SH2D6: variants seen among roughly 807,000 people sequenced by gnomAD.
SH2D6 encodes the protein SH2 domain-containing protein 6.
SH2D6 carries 31 observed loss-of-function variants against 30.2 expected under a neutral mutation model. That is an observed-to-expected ratio of 1.03 (90% CI 0.77 to 1.38). The LOEUF is 1.38. Ranked by LOEUF, SH2D6 falls within the 40% of genes most tolerant of loss-of-function variation. SH2D6 has a pLI of 0.00. For missense variants in SH2D6, 240 were observed against 266.8 expected (o/e 0.90, Z 0.70); for synonymous variants, 93 against 104.6 (o/e 0.89, Z 0.68).
chr2:85,434,262 G>C (rs914198072), intron 17 of SH2D6, 78 bp from the exon 18 acceptor site: 1 of 1,514,658 alleles, frequency 6.6e-7, no homozygotes, highest in African/African-American at 1.4e-5. Flanking sequence ...GGGGCAGCTT[G>C]GAATGCTGGG....
intron 14 of SH2D6, among the ~76,000 whole-genome samples, chr2:85,432,394 GT>G (rs56206540): frequency 0.33 from 50,180 of 149,866 alleles, 9,326 homozygotes; most frequent in Non-Finnish European, 0.43. Flanking sequence ...TATTTTTTTT[GT>G]TTTGTTTTGT....
Position 85,434,106 on chromosome 2 carries a change from G to A in SH2D6, c.528G>A (p.Val176=). Residue 176 remains valine, a synonymous_variant, in exon 17 of 24, where the codon GTG becomes GTA. Transcript: ENST00000469800. ...PSGPLPRTSV[V]PRPTTAPQET... is the part of the protein sequence containing the mutation. ...GCCCTCTGCCCAGGACATCAGTGGT[G>A]CCCAGGTAAGTGCCCCACCAGGTGT... 1 of 1,550,536 alleles carries A rather than the reference G, an allele frequency of 6.4e-7. No individual in the cohort carries two copies. The highest frequency in any genetic ancestry group is 8.7e-7 in the Non-Finnish European group (1 of 1,146,968).
intron 12 of SH2D6, among the ~76,000 whole-genome samples, chr2:85,431,006 C>CT (rs1688555209): frequency 6.6e-6 from 1 of 152,160 alleles, no homozygotes; most frequent in South Asian, 2.1e-4. Flanking sequence ...GCATCCCACC[C>CT]CCACTGCTCA....
intron 9 of SH2D6, 129 bp from the exon 10 acceptor site, chr2:85,429,852 T>C: frequency 6.5e-6 from 1 of 153,196 alleles, no homozygotes; most frequent in Non-Finnish European, 1.5e-5. Flanking sequence ...CCAGCCTCCT[T>C]CTCTGCTGCC....
At chr2:85,431,013 C>G (rs929363067) in intron 12 of SH2D6, among the ~76,000 whole-genome samples, 197 bp from the exon 13 acceptor site, 1 of 152,152 alleles carries the variant, frequency 6.6e-6, no homozygotes, top group Admixed American at 6.5e-5. Context: ...ACCCCCACTG[C>G]TCAGCTCCTC....
At chr2:85,420,609 G>A (rs1475545799) in intron 2 of SH2D6, among the ~76,000 whole-genome samples, 2 of 152,268 alleles carry the variant, frequency 1.3e-5, no homozygotes, top group East Asian at 3.8e-4. Flanking sequence ...AAGTCACAGA[G>A]CAGTGTTGTT....
At chr2:85,423,827 C>T (rs1162264990) in intron 5 of SH2D6, among the ~76,000 whole-genome samples, 1 of 152,252 alleles carries the variant, frequency 6.6e-6, no homozygotes, top group South Asian at 2.1e-4. Context: ...CAGCCCCTTC[C>T]CTCCCTACTG....
intron 9 of SH2D6, 174 bp from the exon 10 acceptor site, chr2:85,429,807 A>G (rs540039821): frequency 6.5e-6 from 1 of 153,032 alleles, no homozygotes; most frequent in East Asian, 1.9e-4. Context: ...GCACCAGCTC[A>G]TGCAGTTATG....
At chr2:85,422,711 C>G (rs898027932) in intron 5 of SH2D6, 21 bp downstream of exon 5, 3 of 152,570 alleles carry the variant, frequency 2.0e-5, no homozygotes, top group African/African-American at 4.8e-5. Context: ...CAGAGGCACA[C>G]CACCTGGGTG....
intron 2 of SH2D6, among the ~76,000 whole-genome samples, chr2:85,420,548 G>GC (rs1009750187): frequency 3.9e-5 from 6 of 152,230 alleles, no homozygotes; most frequent in African/African-American, 1.4e-4. Flanking sequence ...GCTGTTGAAT[G>GC]CCCATTCCTG....
intron 22 of SH2D6, among the ~76,000 whole-genome samples, 160 bp from the exon 23 acceptor site, chr2:85,436,306 C>T (rs540094126): frequency 3.3e-5 from 5 of 152,258 alleles, no homozygotes; most frequent in African/African-American, 9.6e-5. Flanking sequence ...AGGCCTGGAA[C>T]GGGGCAGCAA....
chr2:85,425,192 C>T (rs1375880447), intron 5 of SH2D6, 116 bp from the exon 6 acceptor site: 1 of 151,924 alleles, frequency 6.6e-6, no homozygotes, highest in Non-Finnish European at 1.5e-5. Context: ...AGTTTCTTGG[C>T]ATCCATTTGG....
At chr2:85,427,680 A>G (rs1041337952) in intron 6 of SH2D6, among the ~76,000 whole-genome samples, 3 of 152,246 alleles carry the variant, frequency 2.0e-5, no homozygotes, top group African/African-American at 7.2e-5. Context: ...CGCCTGCCTT[A>G]TGGTTCAAAT....
intron 6 of SH2D6, among the ~76,000 whole-genome samples, chr2:85,426,653 ACTATTT>A (rs1688075670): frequency 6.6e-6 from 1 of 152,258 alleles, no homozygotes; most frequent in South Asian, 2.1e-4. Flanking sequence ...ACCCTTTCCC[ACTATTT>A]CTGCCCTACA....
intron 5 of SH2D6, among the ~76,000 whole-genome samples, chr2:85,424,622 T>C (rs965030911): frequency 2.6e-5 from 4 of 152,054 alleles, no homozygotes; most frequent in Non-Finnish European, 5.9e-5. Context: ...CCTGGTGGTG[T>C]GAGCATATAG....
chr2:85,433,754 A>G (rs980806790), intron 16 of SH2D6, 123 bp downstream of exon 16: 11 of 762,518 alleles, frequency 1.4e-5, no homozygotes, highest in Non-Finnish European at 2.0e-5. Flanking sequence ...ACCAACACGC[A>G]TTTGCCTTCA....
intron 2 of SH2D6, chr2:85,421,453 A>C (rs926568602): frequency 6.6e-6 from 1 of 152,254 alleles, no homozygotes; most frequent in African/African-American, 2.4e-5. Context: ...AGAGAGACCA[A>C]AGATGTTTGC....
intron 17 of SH2D6, 64 bp downstream of exon 17, chr2:85,434,175 C>G: frequency 6.5e-7 from 1 of 1,535,294 alleles, no homozygotes; most frequent in Non-Finnish European, 8.8e-7. Flanking sequence ...AGACAGCACC[C>G]CAGTTCAGGC....
intron 20 of SH2D6, 86 bp from the exon 21 acceptor site, chr2:85,435,327 C>A: frequency 6.9e-7 from 1 of 1,451,968 alleles, no homozygotes. Flanking sequence ...GAGATGGGAA[C>A]ATAAATAACT....
Sources: gnomAD v4.1 joint callset for allele counts (sites outside exome capture counted in the v4.1 genomes callset) on GRCh38, gnomAD v4.1.1 for gene constraint, MANE v1.5 for transcripts, NCBI Gene and HGNC (gene_info 2026-07-23, HGNC 2026-07-21) for gene names.